Variants in STXBP5L observed in about 807,000 individuals in gnomAD.
The protein encoded by STXBP5L is syntaxin-binding protein 5-like.
STXBP5L carries 65 observed loss-of-function variants against 144.5 expected under a neutral mutation model. The observed-to-expected ratio is 0.45, with a 90% confidence interval of 0.37 to 0.55. The LOEUF (loss-of-function observed/expected upper bound fraction) is 0.55, where lower values mean the gene tolerates loss of function less well. Ranked by LOEUF, STXBP5L falls within the 20% of genes least tolerant of loss-of-function variation. STXBP5L has a pLI of 0.00. For synonymous variants in STXBP5L, 505 were observed against 469.6 expected (o/e 1.08, Z -0.97); for missense variants, 1,298 against 1,405.5 (o/e 0.92, Z 1.22).
At chr3:121,015,937 C>T (rs1211555911) in intron 3 of STXBP5L, among the ~76,000 whole-genome samples, 1 of 152,146 alleles carries the variant, frequency 6.6e-6, no homozygotes, top group African/African-American at 2.4e-5. Context: ...GAGCATTTTC[C>T]TTCTCCCACA....
chr3:120,988,280 T>C (rs901560712), intron 3 of STXBP5L, among the ~76,000 whole-genome samples: 4 of 151,948 alleles, frequency 2.6e-5, no homozygotes, highest in Non-Finnish European at 5.9e-5. Flanking sequence ...TGCACTGCTT[T>C]AGCTGTTTTA....
At chr3:120,977,188 T>C (rs1013026236) in intron 3 of STXBP5L, among the ~76,000 whole-genome samples, 6 of 152,190 alleles carry the variant, frequency 3.9e-5, no homozygotes, top group African/African-American at 1.4e-4. Context: ...CTAAGTCTCT[T>C]TGTAGGTCAG....
At chr3:121,196,803 G>T (rs949848747) in intron 9 of STXBP5L, among the ~76,000 whole-genome samples, 9 of 151,624 alleles carry the variant, frequency 5.9e-5, no homozygotes, top group Non-Finnish European at 1.3e-4. Flanking sequence ...TCAAGTAGTT[G>T]GGACTACAGG....
intron 5 of STXBP5L, among the ~76,000 whole-genome samples, chr3:121,055,865 T>A (rs1387469728): frequency 6.6e-6 from 1 of 151,456 alleles, no homozygotes; most frequent in Non-Finnish European, 1.5e-5. Flanking sequence ...TAATTTTTTT[T>A]TTTTTTTTGT....
chr3:121,007,884 A>T (rs9842197), intron 3 of STXBP5L, among the ~76,000 whole-genome samples: 15,437 of 152,080 alleles, frequency 0.1, 1,034 homozygotes, highest in Non-Finnish European at 0.15. Flanking sequence ...TGTTAAGTTT[A>T]CTATGTAAAC....
intron 22 of STXBP5L, among the ~76,000 whole-genome samples, chr3:121,396,717 G>C (rs1016503566): frequency 2.0e-5 from 3 of 152,214 alleles, no homozygotes; most frequent in Admixed American, 1.3e-4. Flanking sequence ...CATTAACATG[G>C]GTTAAATTGT....
intron 19 of STXBP5L, among the ~76,000 whole-genome samples, chr3:121,301,111 G>A (rs920497773): frequency 6.6e-6 from 1 of 152,058 alleles, no homozygotes; most frequent in Non-Finnish European, 1.5e-5. Flanking sequence ...GATGGGGATG[G>A]CATTGAATCT....
At chr3:121,237,231 G>A (rs1224431380) in intron 12 of STXBP5L, among the ~76,000 whole-genome samples, 1 of 152,216 alleles carries the variant, frequency 6.6e-6, no homozygotes, top group Non-Finnish European at 1.5e-5. Flanking sequence ...AAGCCTCCAT[G>A]GCTCTTGTGT....
At chr3:120,979,957 C>A (rs918410323) in intron 3 of STXBP5L, among the ~76,000 whole-genome samples, 1 of 152,066 alleles carries the variant, frequency 6.6e-6, no homozygotes, top group Non-Finnish European at 1.5e-5. Flanking sequence ...ATTTAAATTC[C>A]TAGCCTAATT....
chr3:121,196,810 C>T (rs2047936976), intron 9 of STXBP5L, among the ~76,000 whole-genome samples: 1 of 151,230 alleles, frequency 6.6e-6, no homozygotes, highest in Non-Finnish European at 1.5e-5. Flanking sequence ...GTTGGGACTA[C>T]AGGCCTTTGC....
chr3:121,177,267 A>C lies in STXBP5L; in HGVS notation c.877+19640A>C, dbSNP rs114773985. On this transcript the variant is annotated intron_variant, in intron 9 of 26. Coordinates refer to ENST00000471454, the MANE Select transcript of STXBP5L (RefSeq NM_001308330.2). ...TAGGCTTAATTCACCTACTAAAATAAAAATATGTTTACTTTTTCTCATCAA... is the reference window on the plus strand; with the variant it reads ...TAGGCTTAATTCACCTACTAAAATACAAATATGTTTACTTTTTCTCATCAA... Among the ~76,000 whole-genome samples the C allele has an allele frequency of 5.6e-3, 859 of 152,250 alleles. 6 individuals carry two copies. Among genetic ancestry groups the C allele is most frequent in the African/African-American group, 0.02 (840 of 41,568 alleles).
At chr3:120,998,099 G>A (rs644628) in intron 3 of STXBP5L, among the ~76,000 whole-genome samples, 78,315 of 151,888 alleles carry the variant, frequency 0.52, 20,622 homozygotes, top group Admixed American at 0.6. Flanking sequence ...AATTAGTGCC[G>A]TCTATGAAAA....
At chr3:121,155,433 C>T (rs996523860) in intron 8 of STXBP5L, among the ~76,000 whole-genome samples, 4 of 151,784 alleles carry the variant, frequency 2.6e-5, no homozygotes, top group Non-Finnish European at 5.9e-5. Flanking sequence ...TCATAAATAG[C>T]CATTGATGAA....
intron 10 of STXBP5L, among the ~76,000 whole-genome samples, chr3:121,212,243 C>G (rs996526349): frequency 1.3e-5 from 2 of 152,050 alleles, no homozygotes; most frequent in African/African-American, 4.8e-5. Flanking sequence ...TTAATTTTGC[C>G]TTTTGTTGCC....
chr3:120,998,265 C>T (rs1318543910), intron 3 of STXBP5L, among the ~76,000 whole-genome samples: 1 of 152,056 alleles, frequency 6.6e-6, no homozygotes, highest in African/African-American at 2.4e-5. Flanking sequence ...GTAAAGTCCT[C>T]CAAATAGGAA....
At position 121,140,134 on chromosome 3, in the gene STXBP5L, A is replaced by G. The variant is rs1034690351; in HGVS notation, c.670-12343A>G. ...CATTTTTCAAAAGAAGACATATTATAAATGGCCAACAAGTATATAGTGAAA... is the reference window on the plus strand; with the variant it reads ...CATTTTTCAAAAGAAGACATATTATGAATGGCCAACAAGTATATAGTGAAA... On this transcript the variant is annotated intron_variant, in intron 7 of 26. Coordinates refer to ENST00000471454, the MANE Select transcript of STXBP5L (RefSeq NM_001308330.2). 1.1e-3 allele frequency among the ~76,000 whole-genome samples: 158 copies of G among 141,342 alleles called. 2 individuals are homozygous for G. The highest frequency in any genetic ancestry group is 2.4e-4 in the Non-Finnish European group (15 of 63,246). 92.7% of individuals were successfully genotyped at this position (141,342 alleles called of 152,430 possible). A position where few individuals can be genotyped will look rare whatever the true frequency, so the allele number is the denominator to read the frequency against.
intron 3 of STXBP5L, among the ~76,000 whole-genome samples, chr3:120,986,948 A>T (rs1942345465): frequency 6.6e-6 from 1 of 151,996 alleles, no homozygotes; most frequent in Non-Finnish European, 1.5e-5. Context: ...GACCTGTGGG[A>T]CACCATCAAG....
intron 19 of STXBP5L, among the ~76,000 whole-genome samples, chr3:121,302,223 CTG>C (rs2051944851): frequency 6.6e-6 from 1 of 152,044 alleles, no homozygotes; most frequent in African/African-American, 2.4e-5. Flanking sequence ...ATTTCAGAGC[CTG>C]TTATTGGTCT....
chr3:121,165,511 G>A (rs1040131494), intron 9 of STXBP5L, among the ~76,000 whole-genome samples: 2 of 152,082 alleles, frequency 1.3e-5, no homozygotes, highest in African/African-American at 4.8e-5. Context: ...TGATTTCATT[G>A]AAGTGGTTTA....
Sources: gnomAD v4.1 joint callset for allele counts (sites outside exome capture counted in the v4.1 genomes callset) on GRCh38, gnomAD v4.1.1 for gene constraint, MANE v1.5 for transcripts, NCBI Gene and HGNC (gene_info 2026-07-23, HGNC 2026-07-21) for gene names.